WWOX: variants seen among roughly 807,000 people sequenced by gnomAD.
WWOX encodes the protein WW domain-containing oxidoreductase.
Under a neutral mutation model 46.2 loss-of-function variants are expected in WWOX, and 69 were observed. The observed-to-expected ratio is 1.49, with a 90% CI of 1.23 to 1.82. The LOEUF (loss-of-function observed/expected upper bound fraction) is 1.82, where lower values mean the gene tolerates loss of function less well. Among genes scored for constraint, WWOX ranks in the 40% most tolerant of loss-of-function variants. The pLI, the probability that WWOX is intolerant of heterozygous loss-of-function variation, is 0.00. For missense variants in WWOX, 919 were observed against 542.6 expected (o/e 1.69, Z -6.89); for synonymous variants, 359 against 202.6 (o/e 1.77, Z -6.56).
At chr16:78,600,389 C>G (rs560708394) in intron 8 of WWOX, among the ~76,000 whole-genome samples, 274 of 152,268 alleles carry the variant, frequency 1.8e-3, no homozygotes, top group Middle Eastern at 0.01. Context: ...CCCCCCAGCT[C>G]CAGCCATTTG....
chr16:78,656,200 A>G lies in WWOX; in HGVS notation c.1056+223448A>G, dbSNP rs138517217. Among the ~76,000 whole-genome samples, 355 of 151,976 alleles carry G rather than the reference A, an allele frequency of 2.3e-3. 2 individuals are homozygous for G. The highest frequency in any genetic ancestry group is 8.1e-3 in the African/African-American group (334 of 41,430). On this transcript the variant is annotated intron_variant, in intron 8 of 8. Transcript: ENST00000566780. The stretch of plus-strand genomic sequence containing the variant: ...TGTGTGGGTGGGTGGGTGTGTGTGA[A>G]AGGTAGGATCACCTCTCTGTGCCTC...
At chr16:78,939,787 C>G (rs1046334649) in intron 8 of WWOX, among the ~76,000 whole-genome samples, 1 of 152,232 alleles carries the variant, frequency 6.6e-6, no homozygotes, top group Non-Finnish European at 1.5e-5. Context: ...CCAAATTCCA[C>G]TTCCCCTTTT....
chr16:78,882,705 C>T (rs769635021), intron 8 of WWOX, among the ~76,000 whole-genome samples: 6 of 151,864 alleles, frequency 4.0e-5, no homozygotes, highest in African/African-American at 9.7e-5. Context: ...GCCAGGCTGG[C>T]CTTGTATTTC....
chr16:78,413,465 C>T (rs1358520838), intron 6 of WWOX, among the ~76,000 whole-genome samples: 1 of 152,168 alleles, frequency 6.6e-6, no homozygotes, highest in Non-Finnish European at 1.5e-5. Context: ...GCGGGTGGAT[C>T]TCACAAAGTA....
chr16:78,865,504 C>T (rs1346663831), intron 8 of WWOX, among the ~76,000 whole-genome samples: 1 of 152,118 alleles, frequency 6.6e-6, no homozygotes, highest in Non-Finnish European at 1.5e-5. Flanking sequence ...TTTCCTTTGC[C>T]ACAAAATAGC....
chr16:79,195,796 T>A (rs568187838), intron 8 of WWOX, among the ~76,000 whole-genome samples: 10 of 152,306 alleles, frequency 6.6e-5, no homozygotes, highest in African/African-American at 2.4e-4. Flanking sequence ...TAGCACAAGA[T>A]CAGTGACTGG....
intron 5 of WWOX, among the ~76,000 whole-genome samples, chr16:78,300,368 G>GAAAGCTAGCGTGAAGT (rs2080017849): frequency 6.6e-6 from 1 of 152,128 alleles, no homozygotes; most frequent in Non-Finnish European, 1.5e-5. Flanking sequence ...AGAGGATTCC[G>GAAAGCTAGCGTGAAGT]AAAGCTAGCG....
intron 8 of WWOX, among the ~76,000 whole-genome samples, chr16:78,439,394 T>C (rs576857027): frequency 1.3e-5 from 2 of 152,304 alleles, no homozygotes; most frequent in South Asian, 2.1e-4. Flanking sequence ...AGCTGGCTTG[T>C]CCTCTTACAC....
At chr16:79,073,685 G>C (rs139655844) in intron 8 of WWOX, among the ~76,000 whole-genome samples, 10 of 152,096 alleles carry the variant, frequency 6.6e-5, no homozygotes, top group Non-Finnish European at 1.5e-4. Context: ...TTCCCTGCTT[G>C]CCTTTGCAGC....
chr16:78,404,850 G>A (rs1046293312), intron 6 of WWOX, among the ~76,000 whole-genome samples: 4 of 152,150 alleles, frequency 2.6e-5, no homozygotes, highest in South Asian at 2.1e-4. Context: ...GTAAAGTGCT[G>A]AATGCAAAGG....
At chr16:79,134,104 A>T (rs2049936376) in intron 8 of WWOX, among the ~76,000 whole-genome samples, 1 of 152,068 alleles carries the variant, frequency 6.6e-6, no homozygotes, top group Non-Finnish European at 1.5e-5. Flanking sequence ...TTTTTTTAAA[A>T]ATATGCTGAT....
intron 5 of WWOX, among the ~76,000 whole-genome samples, chr16:78,285,982 C>A (rs2079759803): frequency 6.6e-6 from 1 of 152,200 alleles, no homozygotes; most frequent in Non-Finnish European, 1.5e-5. Context: ...TTAGAACTCA[C>A]AGCACCGTCT....
chr16:78,818,652 G>A (rs569919569), intron 8 of WWOX, among the ~76,000 whole-genome samples: 22 of 152,302 alleles, frequency 1.4e-4, no homozygotes, highest in African/African-American at 5.3e-4. Flanking sequence ...GATCACTTGA[G>A]CCTCGTAGGT....
At chr16:78,749,974 G>C (rs1288935011) in intron 8 of WWOX, among the ~76,000 whole-genome samples, 1 of 152,136 alleles carries the variant, frequency 6.6e-6, no homozygotes, top group African/African-American at 2.4e-5. Flanking sequence ...CTTTTTGGCA[G>C]AGTGACTCTC....
chr16:79,064,334 G>A (rs906001921), intron 8 of WWOX, among the ~76,000 whole-genome samples: 7 of 152,204 alleles, frequency 4.6e-5, no homozygotes, highest in Non-Finnish European at 8.8e-5. Context: ...TGTGGAATTC[G>A]ATGGGTTGCA....
At chr16:78,452,641 A>G (rs973963184) in intron 8 of WWOX, among the ~76,000 whole-genome samples, 3 of 151,346 alleles carry the variant, frequency 2.0e-5, no homozygotes, top group Non-Finnish European at 2.9e-5. Flanking sequence ...ACACCTGGCT[A>G]ATTATTATGT....
intron 5 of WWOX, among the ~76,000 whole-genome samples, chr16:78,333,618 T>A (rs955226348): frequency 6.6e-6 from 1 of 152,150 alleles, no homozygotes; most frequent in Non-Finnish European, 1.5e-5. Context: ...TCTTAATTGA[T>A]GTTAATTGAG....
At position 78,335,291 on chromosome 16, in the gene WWOX, C is replaced by G. The variant is rs1187807862; in HGVS notation, c.517-51569C>G. 3.3e-5 allele frequency among the ~76,000 whole-genome samples: 5 copies of G among 152,284 alleles called. No homozygotes were observed. In the East Asian group the frequency reaches 7.7e-4, roughly 24 times the overall value. On this transcript the variant is annotated intron_variant, in intron 5 of 8. Transcript: ENST00000566780. Reference sequence around the variant, plus strand: ...TTGCTGATGCTCTTCCCACCACCTGCAAGCCCCAGTGTGTGTTATCCGCCT... The same window carrying G: ...TTGCTGATGCTCTTCCCACCACCTGGAAGCCCCAGTGTGTGTTATCCGCCT...
intron 8 of WWOX, among the ~76,000 whole-genome samples, chr16:78,666,047 G>A (rs1306331339): frequency 6.6e-6 from 1 of 151,968 alleles, no homozygotes; most frequent in Non-Finnish European, 1.5e-5. Flanking sequence ...CACTCTGGGA[G>A]GCTAAGGCTG....
Sources: allele counts gnomAD v4.1 joint callset (sites outside exome capture counted in the v4.1 genomes callset), GRCh38; gene constraint gnomAD v4.1.1; transcripts MANE v1.5; gene names NCBI Gene and HGNC (gene_info 2026-07-23, HGNC 2026-07-21).